Variants in LAMTOR4 observed in about 807,000 individuals in gnomAD.
LAMTOR4 encodes the protein ragulator complex protein LAMTOR4.
LAMTOR4 carries 11 observed loss-of-function variants against 13.5 expected under a neutral mutation model. That is an observed-to-expected ratio of 0.82 (90% CI 0.51 to 1.35). The LOEUF (loss-of-function observed/expected upper bound fraction) is 1.35. Among genes scored for constraint, LAMTOR4 ranks in the 40% most tolerant of loss-of-function variants. The pLI is 0.00. For missense variants in LAMTOR4, 128 were observed against 126.2 expected, an observed-to-expected ratio of 1.01 and a Z score of -0.07; for synonymous variants, 69 against 52.3, an observed-to-expected ratio of 1.32 and a Z score of -1.38.
At position 100,153,463 on chromosome 7, in the gene LAMTOR4, G is replaced by T; in HGVS notation, c.148G>T (p.Ala50Ser). 6.2e-7 allele frequency: 1 copy of T among 1,610,542 alleles called. No homozygotes were observed. Residue 50 changes from alanine to serine, a missense_variant, in exon 3 of 4, where the codon GCC becomes TCC. By Grantham distance (99) the Ala-to-Ser change is moderately conservative. Coordinates refer to ENST00000341942, the MANE Select transcript of LAMTOR4 (RefSeq NM_001008395.4). ...ASAISELVSTACGFRLHRGMN... is the reference protein window; with the variant it reads ...ASAISELVSTSCGFRLHRGMN... ...TGCCATCTCTGAGCTGGTCAGCACA[G>T]CCTGCGGTTTCCGGCTGCACCGCGG...
intron 2 of LAMTOR4, among the ~76,000 whole-genome samples, chr7:100,150,507 G>A (rs1458787797): frequency 6.6e-6 from 1 of 152,162 alleles, no homozygotes; most frequent in Non-Finnish European, 1.5e-5. Context: ...TGAGGGAAGA[G>A]AGGAGGATAT....
chr7:100,154,026 G>A lies in LAMTOR4; in HGVS notation c.*62G>A, dbSNP rs1047357391. 54 of 1,275,550 alleles carry A rather than the reference G, an allele frequency of 4.2e-5. No homozygotes were observed. The highest frequency in any genetic ancestry group is 1.2e-4 in the Admixed American group (6 of 50,606). The allele number at this position is 1,275,550 out of a possible 1,614,324, so 79.0% of individuals were successfully genotyped here. A position where few individuals can be genotyped will look rare whatever the true frequency, so the allele number is the denominator to read the frequency against. On this transcript the variant is annotated 3_prime_UTR_variant, in exon 4 of 4. Coordinates refer to ENST00000341942, the MANE Select transcript of LAMTOR4 (RefSeq NM_001008395.4). ...GTCCTGGGCCTCTGTGATGAGGCAG[G>A]CACACCTGTCGGTCTTGGCTTGCTG... is the stretch of plus-strand genomic sequence containing the variant.
In LAMTOR4 at chr7:100,154,049, C is replaced by A; in HGVS notation, c.*85C>A. 2 of 1,047,696 alleles carry A rather than the reference C, an allele frequency of 1.9e-6. No individual in the cohort carries two copies. The highest frequency in any genetic ancestry group is 2.9e-6 in the Non-Finnish European group (2 of 691,228). The allele number at this position is 1,047,696 out of a possible 1,614,324, so 64.9% of individuals were successfully genotyped here. A position where few individuals can be genotyped will look rare whatever the true frequency, so the allele number is the denominator to read the frequency against. On this transcript the variant is annotated 3_prime_UTR_variant, in exon 4 of 4. Coordinates refer to ENST00000341942, the MANE Select transcript of LAMTOR4 (RefSeq NM_001008395.4). ...AGGCACACCTGTCGGTCTTGGCTTG[C>A]TGCTAGAACTAGGGCCTTCTGCTCG...
At chr7:100,153,635 C>G in intron 3 of LAMTOR4, 118 bp downstream of exon 3, 1 of 937,972 alleles carries the variant, frequency 1.1e-6, no homozygotes, top group Admixed American at 1.8e-5. Context: ...GGTCTGGCCA[C>G]TTTCCTCCCT....
intron 2 of LAMTOR4, 39 bp from the exon 3 acceptor site, chr7:100,153,361 C>A: frequency 7.1e-7 from 1 of 1,409,796 alleles, no homozygotes; most frequent in African/African-American, 1.4e-5. Flanking sequence ...GAGCCTGTGC[C>A]GTAATGCCCG....
intron 3 of LAMTOR4, 40 bp downstream of exon 3, chr7:100,153,557 CG>C (rs756325888): frequency 2.6e-5 from 40 of 1,528,942 alleles, no homozygotes; most frequent in Non-Finnish European, 3.3e-5. Context: ...GTACTGGGAG[CG>C]GGGGGCTACT....
chr7:100,149,156 G>A, intron 1 of LAMTOR4, 181 bp downstream of exon 1: 1 of 758,490 alleles, frequency 1.3e-6, no homozygotes, highest in Non-Finnish European at 2.1e-6. Context: ...TCTGTGGGAG[G>A]GTGTTCTGGG....
intron 3 of LAMTOR4, 97 bp downstream of exon 3, chr7:100,153,614 C>T (rs1427499675): frequency 9.2e-7 from 1 of 1,089,182 alleles, no homozygotes; most frequent in Admixed American, 1.7e-5. Context: ...CTACCATCTC[C>T]TGGGGTCTCT....
intron 1 of LAMTOR4, 41 bp downstream of exon 1, chr7:100,149,016 C>G (rs1284914027): frequency 2.2e-5 from 36 of 1,600,650 alleles, no homozygotes; most frequent in Admixed American, 6.7e-5. Context: ...GCCGGGGGTT[C>G]AGCGTCTCTG....
chr7:100,149,509 T>C lies in LAMTOR4; in HGVS notation c.14T>C (p.Leu5Pro). Residue 5 changes from leucine (L) to proline (P), a missense_variant, in exon 2 of 4, where the codon CTG (leucine) becomes CCG (proline). Leu to Pro is a moderately conservative substitution (Grantham distance 98). Coordinates refer to ENST00000341942, the MANE Select transcript of LAMTOR4 (RefSeq NM_001008395.4). MTSA[L>P]TQGLERIPDQ... is the part of the protein sequence containing the mutation. ...ATCTTTACCCACTAGACTTCTGCGCTGACCCAGGGGCTGGAGCGAATCCCA... is the reference window on the plus strand; with the variant it reads ...ATCTTTACCCACTAGACTTCTGCGCCGACCCAGGGGCTGGAGCGAATCCCA... 1 of 1,613,466 alleles carries C rather than the reference T, an allele frequency of 6.2e-7. No individual in the cohort carries two copies. Among genetic ancestry groups the C allele is most frequent in the Non-Finnish European group, 8.5e-7 (1 of 1,179,434 alleles).
intron 3 of LAMTOR4, 60 bp downstream of exon 3, chr7:100,153,577 C>A (rs753079902): frequency 1.4e-6 from 2 of 1,395,418 alleles, no homozygotes; most frequent in South Asian, 1.1e-5. Context: ...CTTCCAGGGG[C>A]TTCTCGGCTT....
intron 2 of LAMTOR4, 133 bp downstream of exon 2, chr7:100,149,712 C>A: frequency 1.6e-6 from 1 of 640,086 alleles, no homozygotes; most frequent in Non-Finnish European, 2.8e-6. Flanking sequence ...AAAGTATTTG[C>A]AGTTTTTGCA....
At position 100,153,939 on chromosome 7, in the gene LAMTOR4, G is replaced by C; in HGVS notation, c.275G>C (p.Arg92Pro). The change falls in exon 4 of 4, where the codon CGA becomes CCA. Residue 92 changes from arginine to proline, a missense_variant. By Grantham distance (103) the Arg-to-Pro change is moderately radical. Transcript: ENST00000341942. ...QRVFVVKRQN[R>P]GREPIDV ...GTGTTTGTGGTGAAGAGGCAGAACC[G>C]AGGTCGGGAGCCCATTGATGTCTGA... is the stretch of plus-strand genomic sequence containing the variant. The C allele has an allele frequency of 6.3e-7, 1 of 1,591,556 alleles. No individual in the cohort carries two copies. Among genetic ancestry groups the C allele is most frequent in the Non-Finnish European group, 8.6e-7 (1 of 1,169,526 alleles).
At chr7:100,152,368 C>G (rs1798729704) in intron 2 of LAMTOR4, among the ~76,000 whole-genome samples, 1 of 151,800 alleles carries the variant, frequency 6.6e-6, no homozygotes, top group African/African-American at 2.4e-5. Flanking sequence ...CACCACTGTA[C>G]TCCAGCCTGG....
chr7:100,151,105 C>T (rs553498458), intron 2 of LAMTOR4, among the ~76,000 whole-genome samples: 11 of 151,582 alleles, frequency 7.3e-5, no homozygotes, highest in Non-Finnish European at 1.2e-4. Flanking sequence ...GACAGAGTCT[C>T]GCTCTGTGGC....
At position 100,148,985 on chromosome 7, in the gene LAMTOR4, G is replaced by A; in HGVS notation, c.3+10G>A. On this transcript the variant is annotated intron_variant, in intron 1 of 3. Transcript: ENST00000341942. ...ACCGAAGACTGCGATGGTGAGTGAG[G>A]ACGCATGCGCGAGAGGACCCGCCGG... is the stretch of plus-strand genomic sequence containing the variant. 5 of 1,610,340 alleles carry A rather than the reference G, an allele frequency of 3.1e-6. No homozygotes were observed. Among genetic ancestry groups the A allele is most frequent in the Non-Finnish European group, 4.2e-6 (5 of 1,179,208 alleles).
intron 2 of LAMTOR4, 30 bp from the exon 3 acceptor site, chr7:100,153,370 C>G: frequency 6.7e-7 from 1 of 1,490,384 alleles, no homozygotes; most frequent in Non-Finnish European, 9.3e-7. Context: ...CCGTAATGCC[C>G]GCCCCTCTCC....
chr7:100,151,401 T>C (rs1240083105), intron 2 of LAMTOR4, among the ~76,000 whole-genome samples: 4 of 149,490 alleles, frequency 2.7e-5, no homozygotes, highest in Non-Finnish European at 5.9e-5. Flanking sequence ...TGTTTTTGTT[T>C]TTTTTGAGAC....
chr7:100,151,449 T>G (rs1426091565), intron 2 of LAMTOR4, among the ~76,000 whole-genome samples: 2 of 151,692 alleles, frequency 1.3e-5, no homozygotes, highest in African/African-American at 4.8e-5. Flanking sequence ...AGTGCAGTGG[T>G]GCAGTCTCCC....
Sources: gnomAD v4.1 joint callset for allele counts (sites outside exome capture counted in the v4.1 genomes callset) on GRCh38, gnomAD v4.1.1 for gene constraint, MANE v1.5 for transcripts, NCBI Gene and HGNC (gene_info 2026-07-23, HGNC 2026-07-21) for gene names.